Variants in ACVR1C observed in about 807,000 individuals in gnomAD.
The protein encoded by ACVR1C is activin A receptor type 1C, also known as activin receptor type-1C.
A neutral mutation model predicts 57.9 loss-of-function variants in ACVR1C; 23 were observed. The ratio of observed to expected loss-of-function variants is 0.40; its 90% CI spans 0.29 to 0.56. The LOEUF is 0.56. Ranked by LOEUF, ACVR1C falls within the 20% of genes least tolerant of loss-of-function variation. The pLI is 0.50. For missense variants in ACVR1C, 480 were observed against 607.9 expected, an observed-to-expected ratio of 0.79 and a Z score of 2.21; for synonymous variants, 214 against 215.3, an observed-to-expected ratio of 0.99 and a Z score of 0.05.
Position 157,528,597 on chromosome 2 carries a change from T to C in ACVR1C, c.*5321A>G, listed in dbSNP as rs1687286731. The C allele has an allele frequency of 6.6e-6, 1 of 152,176 alleles. No homozygotes were observed. The highest frequency in any genetic ancestry group is 1.5e-5 in the Non-Finnish European group (1 of 68,022). 9.4% of individuals were successfully genotyped at this position (152,176 alleles called of 1,614,324 possible). On this transcript the variant is annotated 3_prime_UTR_variant, in exon 9 of 9. Coordinates refer to ENST00000243349, the MANE Select transcript of ACVR1C (RefSeq NM_145259.3). ...ATTATATTCCAAACTAATAGCATAA[T>C]GGCTTAGTTTGTCAAAAGCAAAACA... is the stretch of plus-strand genomic sequence containing the variant.
intron 3 of ACVR1C, among the ~76,000 whole-genome samples, chr2:157,553,247 T>C (rs1447201163): frequency 6.6e-6 from 1 of 152,158 alleles, no homozygotes; most frequent in African/African-American, 2.4e-5. Flanking sequence ...GATACACCCA[T>C]TCTCTGATTA....
At chr2:157,557,971 C>T (rs923286540) in intron 2 of ACVR1C, among the ~76,000 whole-genome samples, 7 of 152,090 alleles carry the variant, frequency 4.6e-5, no homozygotes, top group Non-Finnish European at 1.0e-4. Context: ...CTAAAGATAG[C>T]CTCTGCATCA....
intron 2 of ACVR1C, among the ~76,000 whole-genome samples, chr2:157,573,700 A>T (rs942740005): frequency 6.6e-6 from 1 of 152,134 alleles, no homozygotes; most frequent in African/African-American, 2.4e-5. Context: ...TTCATGGACA[A>T]TATTAAGGTG....
intron 1 of ACVR1C, among the ~76,000 whole-genome samples, chr2:157,621,638 G>A (rs1336148663): frequency 1.3e-5 from 2 of 152,096 alleles, no homozygotes; most frequent in East Asian, 1.9e-4. Flanking sequence ...AAGAGATCCC[G>A]CCACCTCTTT....
chr2:157,616,401 G>T (rs973598089), intron 1 of ACVR1C, among the ~76,000 whole-genome samples: 83 of 152,036 alleles, frequency 5.5e-4, no homozygotes, highest in African/African-American at 2.0e-3. Flanking sequence ...ATTTCCTTTT[G>T]ACATTTTCTT....
chr2:157,618,829 G>A (rs766960193), intron 1 of ACVR1C, among the ~76,000 whole-genome samples: 2 of 151,642 alleles, frequency 1.3e-5, no homozygotes, highest in Non-Finnish European at 3.0e-5. Context: ...CCAGTCATAA[G>A]TATGGATAAA....
In ACVR1C at chr2:157,626,592, A is replaced by T. The variant is rs184086985; in HGVS notation, c.73+1980T>A. On this transcript the variant is annotated intron_variant, in intron 1 of 8. Transcript: ENST00000243349. Reference sequence around the variant, plus strand: ...CATGTCATAAATGGCCAATATGATTAACAGTATAATTTGTAAAAGTGACCA... The same window carrying T: ...CATGTCATAAATGGCCAATATGATTTACAGTATAATTTGTAAAAGTGACCA... Among the ~76,000 whole-genome samples, 142 of 152,380 alleles carry T rather than the reference A, an allele frequency of 9.3e-4. 3 individuals are homozygous for T. The highest frequency in any genetic ancestry group is 1.9e-3 in the Non-Finnish European group (129 of 68,036).
In ACVR1C at chr2:157,544,601, A is replaced by G. The variant is rs1298283709; in HGVS notation, c.787T>C (p.Trp263Arg). Residue 263 changes from tryptophan to arginine, a missense_variant, in exon 5 of 9, where the codon TGG becomes CGG. Physicochemically the swap from Trp to Arg is moderately radical, Grantham distance 101 (BLOSUM62 -3). Coordinates refer to ENST00000243349, the MANE Select transcript of ACVR1C (RefSeq NM_145259.3). ...IAADNKDNGT[W>R]TQLWLVSEYH... Reference sequence around the variant, plus strand: ...TCAGATACCAGCCAAAGTTGAGTCCAAGTTCCATTATCTAACAAGAAAATG... The same window carrying G: ...TCAGATACCAGCCAAAGTTGAGTCCGAGTTCCATTATCTAACAAGAAAATG... 1 of 1,609,002 alleles carries G rather than the reference A, an allele frequency of 6.2e-7. No individual in the cohort carries two copies. The highest frequency in any genetic ancestry group is 8.5e-7 in the Non-Finnish European group (1 of 1,178,178).
In ACVR1C at chr2:157,628,772, C is replaced by A; in HGVS notation, c.-128G>T. The A allele has an allele frequency of 2.5e-6, 2 of 791,220 alleles. No individual in the cohort carries two copies. Among genetic ancestry groups the A allele is most frequent in the Non-Finnish European group, 3.7e-6 (2 of 534,268 alleles). 49.0% of individuals were successfully genotyped at this position (791,220 alleles called of 1,614,324 possible). A position where few individuals can be genotyped will look rare whatever the true frequency, so the allele number is the denominator to read the frequency against. On this transcript the variant is annotated 5_prime_UTR_variant, in exon 1 of 9. Transcript: ENST00000243349. ...GCGGCACCGACACCCTTTTGAAGTGCGCGGTTGGCTCTAGTCAGTGTGGGC... is the reference window on the plus strand; with the variant it reads ...GCGGCACCGACACCCTTTTGAAGTGAGCGGTTGGCTCTAGTCAGTGTGGGC...
At chr2:157,552,078 C>T (rs1173374198) in intron 3 of ACVR1C, among the ~76,000 whole-genome samples, 1 of 152,188 alleles carries the variant, frequency 6.6e-6, no homozygotes, top group Non-Finnish European at 1.5e-5. Flanking sequence ...TCAGTGCAAA[C>T]TGTTCCTGTC....
intron 7 of ACVR1C, among the ~76,000 whole-genome samples, chr2:157,539,466 T>G (rs1388706987): frequency 6.6e-6 from 1 of 152,228 alleles, no homozygotes; most frequent in South Asian, 2.1e-4. Context: ...AGACATGCCA[T>G]AATACTAGAC....
chr2:157,529,456 C>T lies in ACVR1C; in HGVS notation c.*4462G>A, dbSNP rs1687308738. The stretch of plus-strand genomic sequence containing the variant: ...ATGGCACATTACGTTAGTGTGCATT[C>T]AAGGTAGGTTTAGATGCATGCGAAT... On this transcript the variant is annotated 3_prime_UTR_variant, in exon 9 of 9. Transcript: ENST00000243349. 6.6e-6 allele frequency: 1 copy of T among 152,028 alleles called. No homozygotes were observed. The highest frequency in any genetic ancestry group is 6.6e-5 in the Admixed American group (1 of 15,244). 9.4% of individuals were successfully genotyped at this position (152,028 alleles called of 1,614,324 possible). A position where few individuals can be genotyped will look rare whatever the true frequency, so the allele number is the denominator to read the frequency against.
intron 1 of ACVR1C, among the ~76,000 whole-genome samples, chr2:157,604,632 CT>C (rs1460789353): frequency 6.6e-6 from 1 of 151,894 alleles, no homozygotes; most frequent in Non-Finnish European, 1.5e-5. Context: ...GTACATTTAA[CT>C]TTACATAGAA....
rs1398282070 is a variant in ACVR1C, at chr2:157,556,226, C to G, written c.411G>C (p.Gln137His). 6.2e-7 allele frequency: 1 copy of G among 1,613,990 alleles called. No individual in the cohort carries two copies. The highest frequency in any genetic ancestry group is 1.7e-5 in the Admixed American group (1 of 59,976). The change falls in exon 3 of 9, where the codon CAG becomes CAC. Residue 137 changes from glutamine to histidine, a missense_variant. Transcript: ENST00000243349. ...TCTTCCTGTAGGAGCACTGTCGACC[C>G]TGGCATGCCCATACTGTCAGCATCG... ...IAAMLTVWAC[Q>H]GRQCSYRKKK...
At chr2:157,612,368 G>T (rs529070013) in intron 1 of ACVR1C, among the ~76,000 whole-genome samples, 2 of 151,934 alleles carry the variant, frequency 1.3e-5, no homozygotes, top group Admixed American at 1.3e-4. Flanking sequence ...TCTGGCAGCA[G>T]CAAGGGCAGC....
intron 2 of ACVR1C, among the ~76,000 whole-genome samples, chr2:157,560,569 A>C (rs1453052760): frequency 6.6e-6 from 1 of 152,210 alleles, no homozygotes; most frequent in African/African-American, 2.4e-5. Context: ...TGAATCAACC[A>C]ATAGGCTGTG....
chr2:157,619,929 T>C (rs566192463), intron 1 of ACVR1C, among the ~76,000 whole-genome samples: 5 of 151,920 alleles, frequency 3.3e-5, no homozygotes, highest in Admixed American at 1.3e-4. Context: ...CTTACAAATA[T>C]TAAAAGGATA....
intron 1 of ACVR1C, among the ~76,000 whole-genome samples, chr2:157,607,548 C>T (rs887903235): frequency 1.3e-5 from 2 of 151,440 alleles, no homozygotes; most frequent in African/African-American, 4.8e-5. Flanking sequence ...TCTATAGATA[C>T]CTTTAGGTAG....
At chr2:157,595,092 C>A (rs1265391512) in intron 1 of ACVR1C, among the ~76,000 whole-genome samples, 1 of 152,260 alleles carries the variant, frequency 6.6e-6, no homozygotes, top group Non-Finnish European at 1.5e-5. Flanking sequence ...AGCTGCTAAG[C>A]TCCTCCAGTG....
Sources: allele counts gnomAD v4.1 joint callset (sites outside exome capture counted in the v4.1 genomes callset), GRCh38; gene constraint gnomAD v4.1.1; transcripts MANE v1.5; gene names NCBI Gene and HGNC (gene_info 2026-07-23, HGNC 2026-07-21).